The following ALK variants were observed in gnomAD, a reference collection of about 807,000 sequenced individuals.
ALK encodes the protein ALK receptor tyrosine kinase, also known as ALK tyrosine kinase receptor.
ALK carries 74 observed loss-of-function variants against 163.1 expected under a neutral mutation model. The observed-to-expected ratio is 0.45, with a 90% CI of 0.38 to 0.55. The LOEUF (loss-of-function observed/expected upper bound fraction) is 0.55, where lower values mean the gene tolerates loss of function less well. ALK is among the 20% of genes least tolerant of loss of function. ALK has a pLI of 0.00. For missense variants in ALK, 2,063 were observed against 2,105.3 expected (o/e 0.98, Z 0.39); for synonymous variants, 960 against 843.2 (o/e 1.14, Z -2.40).
chr2:29,602,285 A>G (rs1191044657), intron 3 of ALK, among the ~76,000 whole-genome samples: 1 of 151,766 alleles, frequency 6.6e-6, no homozygotes, highest in Non-Finnish European at 1.5e-5. Flanking sequence ...AGGATCCAAC[A>G]TGGACAGGCT....
intron 13 of ALK, among the ~76,000 whole-genome samples, chr2:29,238,426 A>T (rs1488673943): frequency 6.6e-6 from 1 of 152,000 alleles, no homozygotes; most frequent in African/African-American, 2.4e-5. Flanking sequence ...CGAACTTCTG[A>T]CCTCAAGTGA....
chr2:29,258,219 C>A (rs1351226555), intron 11 of ALK, among the ~76,000 whole-genome samples: 4 of 152,184 alleles, frequency 2.6e-5, no homozygotes, highest in African/African-American at 7.2e-5. Context: ...CTCCATGGGG[C>A]AGTTCAACAT....
chr2:29,320,595 G>A (rs766776358), intron 7 of ALK, among the ~76,000 whole-genome samples, 156 bp downstream of exon 7: 2 of 152,220 alleles, frequency 1.3e-5, no homozygotes, highest in Non-Finnish European at 2.9e-5. Flanking sequence ...AAAGCCCAAG[G>A]TGTGAAGAGG....
chr2:29,920,478 G>T lies in ALK; in HGVS notation c.182C>A (p.Pro61His). ...RKSLAVDFVV[P>H]SLFRVYARDL... ...CCGGGCGTAGACACGGAAGAGCGAG[G>T]GCACCACGAAGTCAACTGCCAGACT... The change falls in exon 1 of 29, where the codon CCC becomes CAC. Residue 61 changes from proline to histidine, a missense_variant. Coordinates refer to ENST00000389048, the MANE Select transcript of ALK (RefSeq NM_004304.5). The T allele has an allele frequency of 6.2e-7, 1 of 1,613,064 alleles. No individual in the cohort carries two copies. Among genetic ancestry groups the T allele is most frequent in the Non-Finnish European group, 8.5e-7 (1 of 1,179,658 alleles).
At chr2:29,496,963 G>T (rs1013014213) in intron 4 of ALK, among the ~76,000 whole-genome samples, 1 of 152,184 alleles carries the variant, frequency 6.6e-6, no homozygotes, top group African/African-American at 2.4e-5. Context: ...GGGCACTATA[G>T]ATTCACCATC....
chr2:29,552,036 C>A (rs1206296665), intron 3 of ALK, among the ~76,000 whole-genome samples: 3 of 152,164 alleles, frequency 2.0e-5, no homozygotes, highest in African/African-American at 7.2e-5. Flanking sequence ...CCCCTCAGCA[C>A]CTGGTAACCT....
intron 1 of ALK, among the ~76,000 whole-genome samples, chr2:29,867,475 T>C (rs12620548): frequency 0.28 from 42,889 of 152,078 alleles, 6,830 homozygotes; most frequent in East Asian, 0.59. Flanking sequence ...TATTCAGCCA[T>C]TTTATTGCTG....
intron 1 of ALK, among the ~76,000 whole-genome samples, chr2:29,896,066 T>C (rs907726333): frequency 6.6e-6 from 1 of 152,102 alleles, no homozygotes; most frequent in Non-Finnish European, 1.5e-5. Flanking sequence ...GGTATGGTAG[T>C]GTGGGTGCAG....
intron 3 of ALK, among the ~76,000 whole-genome samples, chr2:29,557,507 G>T (rs1188804428): frequency 6.6e-6 from 1 of 152,152 alleles, no homozygotes; most frequent in African/African-American, 2.4e-5. Context: ...AATAGCAGAG[G>T]TAGGTCAGTA....
intron 4 of ALK, among the ~76,000 whole-genome samples, 155 bp downstream of exon 4, chr2:29,531,760 T>C (rs886546222): frequency 1.3e-5 from 2 of 152,112 alleles, no homozygotes; most frequent in African/African-American, 4.8e-5. Flanking sequence ...CCCAAGACAC[T>C]ACCTAAGGGA....
At chr2:29,721,915 C>T (rs1025987722) in intron 1 of ALK, among the ~76,000 whole-genome samples, 4 of 152,216 alleles carry the variant, frequency 2.6e-5, no homozygotes, top group African/African-American at 7.2e-5. Context: ...TTCTTCTTCC[C>T]GTGTTCTCTT....
At chr2:29,891,337 A>C (rs1464973648) in intron 1 of ALK, among the ~76,000 whole-genome samples, 1 of 152,202 alleles carries the variant, frequency 6.6e-6, no homozygotes, top group Admixed American at 6.5e-5. Context: ...AGAGTAGGAG[A>C]AACTCCAGGG....
At chr2:29,483,959 C>T (rs937851950) in intron 4 of ALK, among the ~76,000 whole-genome samples, 4 of 152,112 alleles carry the variant, frequency 2.6e-5, no homozygotes, top group Non-Finnish European at 4.4e-5. Flanking sequence ...ACAATCACGG[C>T]GGAAGGCGAA....
At chr2:29,349,049 A>T (rs1245291665) in intron 5 of ALK, among the ~76,000 whole-genome samples, 1 of 101,946 alleles carries the variant, frequency 9.8e-6, no homozygotes, top group Non-Finnish European at 1.9e-5. Context: ...TGAAGAGCAA[A>T]TGAATTACTG....
chr2:29,891,617 G>A (rs1267028356), intron 1 of ALK, among the ~76,000 whole-genome samples: 1 of 152,096 alleles, frequency 6.6e-6, no homozygotes, highest in African/African-American at 2.4e-5. Context: ...TTATAGTTCT[G>A]GGGAGAACCA....
At chr2:29,648,223 CATAA>C (rs1676940047) in intron 3 of ALK, among the ~76,000 whole-genome samples, 1 of 152,110 alleles carries the variant, frequency 6.6e-6, no homozygotes, top group African/African-American at 2.4e-5. Flanking sequence ...AAGTATTACG[CATAA>C]ATAATTTGAA....
At chr2:29,357,977 C>G (rs187583075) in intron 5 of ALK, among the ~76,000 whole-genome samples, 1 of 152,266 alleles carries the variant, frequency 6.6e-6, no homozygotes, top group African/African-American at 2.4e-5. Flanking sequence ...GTGCAATATC[C>G]CATTTGGTCC....
At chr2:29,713,840 G>GTT (rs951620489) in intron 2 of ALK, among the ~76,000 whole-genome samples, 6 of 146,102 alleles carry the variant, frequency 4.1e-5, no homozygotes, top group African/African-American at 1.5e-4. Flanking sequence ...AATGTATCAT[G>GTT]TTTTTTTTTT....
intron 3 of ALK, among the ~76,000 whole-genome samples, chr2:29,656,911 C>T (rs1677200753): frequency 6.6e-6 from 1 of 152,292 alleles, no homozygotes; most frequent in Middle Eastern, 3.4e-3. Context: ...AAACTCAGAA[C>T]CTTTTTTCCT....
Sources: gnomAD v4.1 joint callset for allele counts (sites outside exome capture counted in the v4.1 genomes callset) on GRCh38, gnomAD v4.1.1 for gene constraint, MANE v1.5 for transcripts, NCBI Gene and HGNC (gene_info 2026-07-23, HGNC 2026-07-21) for gene names.